Variants in PEAK1 observed in about 807,000 individuals in gnomAD.
PEAK1 encodes pseudopodium enriched atypical kinase 1.
PEAK1 carries 54 observed loss-of-function variants against 124.7 expected under a neutral mutation model. That is an observed-to-expected ratio of 0.43 (90% CI 0.35 to 0.54). The LOEUF (loss-of-function observed/expected upper bound fraction) is 0.54, where lower values mean the gene tolerates loss of function less well. Among genes scored for constraint, PEAK1 ranks in the 20% least tolerant of loss-of-function variants. The pLI is 0.01. For synonymous variants in PEAK1, 719 were observed against 760.0 expected (o/e 0.95, Z 0.89); for missense variants, 2,046 against 2,134.5 (o/e 0.96, Z 0.82).
intron 8 of PEAK1, among the ~76,000 whole-genome samples, chr15:77,151,987 A>G (rs1351654096): frequency 2.0e-5 from 3 of 152,074 alleles, no homozygotes; most frequent in Non-Finnish European, 1.5e-5. Flanking sequence ...TTTTGGTTTC[A>G]TATGAACTTT....
chr15:77,226,528 GA>G (rs1284052335), intron 6 of PEAK1, among the ~76,000 whole-genome samples: 1 of 151,982 alleles, frequency 6.6e-6, no homozygotes, highest in Non-Finnish European at 1.5e-5. Context: ...GAGTGTTGTG[GA>G]ATTTGAAAAC....
At chr15:77,260,790 G>A (rs1432777257) in intron 5 of PEAK1, among the ~76,000 whole-genome samples, 2 of 152,148 alleles carry the variant, frequency 1.3e-5, no homozygotes, top group Non-Finnish European at 2.9e-5. Context: ...CTCCCAGCAC[G>A]CAGCTTGAGA....
intron 6 of PEAK1, chr15:77,205,016 T>C: frequency 5.1e-6 from 1 of 194,834 alleles, no homozygotes; most frequent in Non-Finnish European, 1.1e-5. Context: ...TTAAAGAAGA[T>C]TTACGTGCAG....
At position 77,180,346 on chromosome 15, in the gene PEAK1, A is replaced by G; in HGVS notation, c.1581T>C (p.Ser527=). The G allele has an allele frequency of 6.2e-7, 1 of 1,614,066 alleles. No individual in the cohort carries two copies. Among genetic ancestry groups the G allele is most frequent in the Non-Finnish European group, 8.5e-7 (1 of 1,180,002 alleles). ...TCCATACTTCTTGGTATCGAATTGC[A>G]CTGGATTTTTGGAAATGGGCACTTA... ...GQISAHFQKS[S]AIRYQEVWTS... The change falls in exon 7 of 10, where the codon AGT becomes AGC. Residue 527 remains serine (S), a synonymous_variant. Transcript: ENST00000682557.
chr15:77,226,998 G>T (rs1158097553), intron 6 of PEAK1, among the ~76,000 whole-genome samples: 1 of 152,098 alleles, frequency 6.6e-6, no homozygotes, highest in Non-Finnish European at 1.5e-5. Context: ...TATGGCAGTT[G>T]TCCTCAACCT....
chr15:77,228,639 C>A (rs569778097), intron 6 of PEAK1, among the ~76,000 whole-genome samples: 1 of 152,122 alleles, frequency 6.6e-6, no homozygotes, highest in East Asian at 1.9e-4. Context: ...CCAGGCAGGG[C>A]CCAATTATGA....
intron 8 of PEAK1, chr15:77,157,485 AG>A (rs975054271): frequency 3.3e-5 from 5 of 152,278 alleles, no homozygotes; most frequent in African/African-American, 1.2e-4. Context: ...AAGGAAGACG[AG>A]TGAAGATGAT....
intron 6 of PEAK1, among the ~76,000 whole-genome samples, chr15:77,183,828 T>C (rs748743943): frequency 6.6e-6 from 1 of 152,020 alleles, no homozygotes. Context: ...ATATATATGA[T>C]TTTTGATCTT....
intron 2 of PEAK1, among the ~76,000 whole-genome samples, chr15:77,314,769 A>G (rs981179392): frequency 3.4e-4 from 52 of 152,326 alleles, no homozygotes; most frequent in Non-Finnish European, 4.4e-4. Context: ...TAAGATGTTT[A>G]TTAATAGAAT....
chr15:77,348,052 C>T, intron 2 of PEAK1: 1 of 985,182 alleles, frequency 1.0e-6, no homozygotes, highest in Non-Finnish European at 1.2e-6. Context: ...CAAATATATG[C>T]ACTTTTCTAC....
chr15:77,369,258 A>G (rs946713280), intron 1 of PEAK1, among the ~76,000 whole-genome samples: 2 of 152,210 alleles, frequency 1.3e-5, no homozygotes, highest in African/African-American at 4.8e-5. Context: ...AAGTTTTCAT[A>G]GCACTTAGAA....
In PEAK1 at chr15:77,181,683, C is replaced by G. The variant is rs1413736353; in HGVS notation, c.244G>C (p.Gly82Arg). 6.2e-7 allele frequency: 1 copy of G among 1,613,962 alleles called. No individual in the cohort carries two copies. Among genetic ancestry groups the G allele is most frequent in the Non-Finnish European group, 8.5e-7 (1 of 1,180,028 alleles). Residue 82 changes from glycine to arginine, a missense_variant, in exon 7 of 10, where the codon GGG becomes CGG. By Grantham distance (125) the Gly-to-Arg change is moderately radical. Coordinates refer to ENST00000682557, the MANE Select transcript of PEAK1 (RefSeq NM_001385026.1). ...CTAAGCTCACCACATATACTTTGCC[C>G]ATCTGCCACTATCATAGTGGGCTTC... ...AVKPTMIVAD[G>R]QSICGELSIQ...
intron 7 of PEAK1, among the ~76,000 whole-genome samples, chr15:77,168,819 G>A: frequency 6.6e-6 from 1 of 152,170 alleles, no homozygotes; most frequent in South Asian, 2.1e-4. Context: ...TTGGGGTTTG[G>A]ACAGAATCCC....
rs55958042 is a variant in PEAK1 at position 77,225,666 on chromosome 15, TTATATATATA to T, written c.-115+26691_-115+26700del. Among the ~76,000 whole-genome samples, 89 of 87,986 alleles carry T rather than the reference TTATATATATA, an allele frequency of 1.0e-3. 1 individual carries two copies. The highest frequency in any genetic ancestry group is 3.7e-3 in the East Asian group (12 of 3,244). The allele number at this position is 87,986 out of a possible 152,430, so 57.7% of individuals were successfully genotyped here. A position where few individuals can be genotyped will look rare whatever the true frequency, so the allele number is the denominator to read the frequency against. On this transcript the variant is annotated intron_variant, in intron 6 of 9. Coordinates refer to ENST00000682557, the MANE Select transcript of PEAK1 (RefSeq NM_001385026.1). ...GTGTGTGTGTGTGTGTGTGTATAAT[TTATATATATA>T]TATATATATATATATATATATGACA...
rs578143015 is a variant in PEAK1, at chr15:77,197,120, C to G, written c.-114-15080G>C. ...CACCTGCCTTGGCCTCCCATAGTGCCGGGATTACAGGCATGAGCCACCACA... is the reference window on the plus strand; with the variant it reads ...CACCTGCCTTGGCCTCCCATAGTGCGGGGATTACAGGCATGAGCCACCACA... On this transcript the variant is annotated intron_variant, in intron 6 of 9. Transcript: ENST00000682557. Among the ~76,000 whole-genome samples the G allele has an allele frequency of 2.6e-5, 4 of 151,908 alleles. No individual in the cohort carries two copies. In the East Asian group the frequency reaches 5.8e-4, roughly 22 times the overall value.
At chr15:77,194,618 AC>A (rs1170578979) in intron 6 of PEAK1, among the ~76,000 whole-genome samples, 1 of 151,058 alleles carries the variant, frequency 6.6e-6, no homozygotes, top group Non-Finnish European at 1.5e-5. Context: ...ACCTTACTCC[AC>A]CCCCCGACCC....
At chr15:77,135,798 T>G (rs1192022802) in intron 8 of PEAK1, among the ~76,000 whole-genome samples, 1 of 152,230 alleles carries the variant, frequency 6.6e-6, no homozygotes, top group East Asian at 1.9e-4. Context: ...CTCCTTGCTC[T>G]CTGCCATGAT....
At chr15:77,116,122 G>C (rs2051345028) in intron 9 of PEAK1, among the ~76,000 whole-genome samples, 1 of 152,172 alleles carries the variant, frequency 6.6e-6, no homozygotes, top group Admixed American at 6.5e-5. Context: ...TTAGCCAAGA[G>C]TTCTACATAC....
intron 2 of PEAK1, among the ~76,000 whole-genome samples, chr15:77,323,683 A>G (rs2065385317): frequency 1.3e-5 from 2 of 152,208 alleles, no homozygotes; most frequent in African/African-American, 4.8e-5. Context: ...AGGAAGAATC[A>G]ATACCATGAA....
Sources: gnomAD v4.1 joint callset for allele counts (sites outside exome capture counted in the v4.1 genomes callset) on GRCh38, gnomAD v4.1.1 for gene constraint, MANE v1.5 for transcripts, NCBI Gene and HGNC (gene_info 2026-07-23, HGNC 2026-07-21) for gene names.